Variants in RIMKLB observed in about 807,000 individuals in gnomAD.
The protein encoded by RIMKLB is ribosomal modification protein rimK like family member B, also known as beta-citrylglutamate synthase B.
RIMKLB carries 7 observed loss-of-function variants against 32.0 expected under a neutral mutation model. The ratio of observed to expected loss-of-function variants is 0.22; its 90% CI spans 0.12 to 0.41. The LOEUF is 0.41. Ranked by LOEUF, RIMKLB falls within the 10% of genes least tolerant of loss-of-function variation. The probability of loss-of-function intolerance (pLI) is 1.00; values close to 1 mark genes in which losing one functional copy is unlikely to be tolerated. For synonymous variants in RIMKLB, 172 were observed against 185.1 expected (o/e 0.93, Z 0.57); for missense variants, 289 against 498.7 (o/e 0.58, Z 4.00).
rs1592029405 is a variant in RIMKLB, at chr12:8,773,688, T to C, written c.1065T>C (p.Pro355=). The part of the protein sequence containing the change: ...SASSSSVDSD[P]ESTERELLTK... ...GTTCCAGCTCTGTTGACAGCGACCC[T>C]GAAAGCACGGAGCGAGAGCTGCTCA... is the stretch of plus-strand genomic sequence containing the variant. Residue 355 remains proline, a synonymous_variant, in exon 6 of 6, where the codon CCT becomes CCC. Coordinates refer to ENST00000535829, the MANE Select transcript of RIMKLB (RefSeq NM_001297776.2). The C allele has an allele frequency of 3.6e-5, 58 of 1,614,114 alleles. No homozygotes were observed. The East Asian group carries it at 1.3e-3, about 36-fold the overall frequency.
At chr12:8,740,934 C>A (rs6487351) in intron 2 of RIMKLB, among the ~76,000 whole-genome samples, 1 of 151,696 alleles carries the variant, frequency 6.6e-6, no homozygotes, top group African/African-American at 2.4e-5. Context: ...ATTAGCCAGG[C>A]GGGGTGGCTC....
intron 2 of RIMKLB, among the ~76,000 whole-genome samples, chr12:8,730,720 T>A (rs749358800): frequency 5.9e-5 from 9 of 152,314 alleles, no homozygotes; most frequent in African/African-American, 1.9e-4. Flanking sequence ...TTTTCTACCA[T>A]TTTCAATGCA....
At chr12:8,703,622 G>A (rs1289492737) in intron 1 of RIMKLB, among the ~76,000 whole-genome samples, 1 of 152,072 alleles carries the variant, frequency 6.6e-6, no homozygotes, top group Non-Finnish European at 1.5e-5. Context: ...GTCCCACTGT[G>A]TTGTCCAGGC....
At chr12:8,720,233 C>T (rs1212379796) in intron 2 of RIMKLB, among the ~76,000 whole-genome samples, 4 of 152,180 alleles carry the variant, frequency 2.6e-5, no homozygotes, top group Non-Finnish European at 5.9e-5. Context: ...TATTAAAACA[C>T]ATTCATTAGG....
At chr12:8,749,357 C>G (rs985050438) in intron 2 of RIMKLB, among the ~76,000 whole-genome samples, 11 of 152,018 alleles carry the variant, frequency 7.2e-5, no homozygotes, top group Non-Finnish European at 1.5e-4. Flanking sequence ...ATTAGAGGTG[C>G]CTGCCACCAC....
intron 2 of RIMKLB, among the ~76,000 whole-genome samples, chr12:8,749,276 T>A (rs1465182554): frequency 2.6e-5 from 4 of 151,854 alleles, no homozygotes; most frequent in Non-Finnish European, 5.9e-5. Context: ...AGTGGCACTA[T>A]CTCTGGTCAC....
chr12:8,729,495 G>A (rs1385085145), intron 2 of RIMKLB, among the ~76,000 whole-genome samples: 1 of 152,146 alleles, frequency 6.6e-6, no homozygotes, highest in Non-Finnish European at 1.5e-5. Context: ...TGCTTCTCCT[G>A]TCTGTGCTGG....
chr12:8,750,981 ATTG>A lies in RIMKLB; in HGVS notation c.406+892_406+894del, dbSNP rs946406729. Among the ~76,000 whole-genome samples, 16 of 152,192 alleles carry A rather than the reference ATTG, an allele frequency of 1.1e-4. 1 individual carries two copies. Among genetic ancestry groups the A allele is most frequent in the Admixed American group, 9.8e-4 (15 of 15,282 alleles). On this transcript the variant is annotated intron_variant, in intron 3 of 5. Coordinates refer to ENST00000535829, the MANE Select transcript of RIMKLB (RefSeq NM_001297776.2). The stretch of plus-strand genomic sequence containing the variant: ...ACAAAGGAACCCTTGTCCTCTCCTT[ATTG>A]TTAATATTTTAAAAAAAAGGAACTC...
chr12:8,669,749 T>C, the RIMKLB span, among the ~76,000 whole-genome samples: 1 of 151,882 alleles, frequency 6.6e-6, no homozygotes, highest in African/African-American at 2.4e-5. Context: ...AGGAATCGGC[T>C]GGGTGCGGTG....
intron 2 of RIMKLB, among the ~76,000 whole-genome samples, chr12:8,749,410 C>T (rs1445357757): frequency 2.6e-5 from 4 of 152,180 alleles, no homozygotes; most frequent in Non-Finnish European, 4.4e-5. Flanking sequence ...GGGGTTTCAC[C>T]ATGTTGGCCA....
intron 2 of RIMKLB, among the ~76,000 whole-genome samples, chr12:8,726,444 A>G (rs890637531): frequency 3.9e-5 from 6 of 152,068 alleles, no homozygotes; most frequent in African/African-American, 9.7e-5. Flanking sequence ...TTACATAACA[A>G]TCTTTTGTCA....
At chr12:8,708,080 G>T (rs1339611212) in intron 1 of RIMKLB, among the ~76,000 whole-genome samples, 1 of 152,124 alleles carries the variant, frequency 6.6e-6, no homozygotes, top group Non-Finnish European at 1.5e-5. Flanking sequence ...ATTCCACTGT[G>T]TGTTACAATA....
At chr12:8,686,245 G>A (rs1045758572) in intron 1 of RIMKLB, among the ~76,000 whole-genome samples, 2 of 150,660 alleles carry the variant, frequency 1.3e-5, no homozygotes, top group African/African-American at 4.9e-5. Context: ...GTGAGCCACC[G>A]AGCCCTCTCC....
intron 2 of RIMKLB, among the ~76,000 whole-genome samples, chr12:8,732,724 C>T (rs963628215): frequency 2.0e-5 from 3 of 150,638 alleles, no homozygotes; most frequent in Non-Finnish European, 4.4e-5. Context: ...CGGGGGAAAG[C>T]GTTATGCATG....
intron 1 of RIMKLB, among the ~76,000 whole-genome samples, chr12:8,685,582 T>C: frequency 6.6e-6 from 1 of 152,218 alleles, no homozygotes; most frequent in African/African-American, 2.4e-5. Flanking sequence ...ATTTTGAGGA[T>C]TTTTACATCT....
chr12:8,780,097 T>C (rs1242779197), downstream of RIMKLB: 1 of 152,210 alleles, frequency 6.6e-6, no homozygotes, highest in Non-Finnish European at 1.5e-5. Flanking sequence ...GTCCAGAACA[T>C]TGAAAACTCA....
At chr12:8,759,080 A>C (rs1949310497) in intron 5 of RIMKLB, among the ~76,000 whole-genome samples, 1 of 152,152 alleles carries the variant, frequency 6.6e-6, no homozygotes, top group African/African-American at 2.4e-5. Context: ...CAAGGTTGGA[A>C]TTGATGGAAC....
intron 2 of RIMKLB, among the ~76,000 whole-genome samples, chr12:8,718,008 T>C (rs1256100939): frequency 6.6e-6 from 1 of 152,222 alleles, no homozygotes; most frequent in African/African-American, 2.4e-5. Flanking sequence ...TGTTCATCTC[T>C]TTTACTGACA....
At position 8,714,033 on chromosome 12, in the gene RIMKLB, G is replaced by C. The variant is rs762104772; in HGVS notation, c.167G>C (p.Gly56Ala). ...GAGGTGGTGCTGACAATCGAGCAAG[G>C]AAACCTGGGTAAGTCTGTATACTAA... ...MDEVVLTIEQ[G>A]NLGLRINGEL... Residue 56 changes from glycine (G) to alanine (A), a missense_variant, in exon 2 of 6, where the codon GGA (glycine) becomes GCA (alanine). By Grantham distance (60) the Gly-to-Ala change is moderately conservative. Coordinates refer to ENST00000535829, the MANE Select transcript of RIMKLB (RefSeq NM_001297776.2). 2.5e-6 allele frequency: 4 copies of C among 1,613,874 alleles called. No homozygotes were observed. In the African/African-American group the frequency reaches 5.3e-5, roughly 22 times the overall value.
Sources: allele counts gnomAD v4.1 joint callset (sites outside exome capture counted in the v4.1 genomes callset), GRCh38; gene constraint gnomAD v4.1.1; transcripts MANE v1.5; gene names NCBI Gene and HGNC (gene_info 2026-07-23, HGNC 2026-07-21).